Variants in DHRSX observed in about 807,000 individuals in gnomAD.
DHRSX encodes polyprenol dehydrogenase.
Under a neutral mutation model 34.0 loss-of-function variants are expected in DHRSX, and 31 were observed. The observed-to-expected ratio is 0.91, with a 90% CI of 0.69 to 1.23. The LOEUF (loss-of-function observed/expected upper bound fraction) is 1.23. Among genes scored for constraint, DHRSX ranks in the 50% most tolerant of loss-of-function variants. The probability of loss-of-function intolerance (pLI) is 0.00; values close to 1 mark genes in which losing one functional copy is unlikely to be tolerated. For missense variants in DHRSX, 414 were observed against 428.1 expected (o/e 0.97, Z 0.29); for synonymous variants, 201 against 183.8 (o/e 1.09, Z -0.76).
intron 1 of DHRSX, among the ~76,000 whole-genome samples, chrX:2,499,358 G>A (rs1408444638): frequency 2.0e-5 from 3 of 150,220 alleles, no homozygotes; most frequent in Non-Finnish European, 4.4e-5. Flanking sequence ...CTGACCCTCT[G>A]AACGCTCTGT....
intron 3 of DHRSX, among the ~76,000 whole-genome samples, chrX:2,389,950 T>C (rs1603039137): frequency 1.3e-5 from 2 of 152,064 alleles, no homozygotes; most frequent in East Asian, 3.9e-4. Context: ...CAGGCTAGTT[T>C]TTGTATTTTT....
chrX:2,332,573 C>T (rs1371518572), intron 3 of DHRSX, among the ~76,000 whole-genome samples: 1 of 152,142 alleles, frequency 6.6e-6, no homozygotes, highest in Non-Finnish European at 1.5e-5. Flanking sequence ...ATGTTTCCCA[C>T]CCAACTACCT....
At chrX:2,330,559 G>GGAGGGGAGGGAAGGGGAGGGGAAGA (rs1228380993) in intron 3 of DHRSX, among the ~76,000 whole-genome samples, 2 of 146,620 alleles carry the variant, frequency 1.4e-5, no homozygotes, top group African/African-American at 5.0e-5. Context: ...GGAAGGGAGG[G>GGAGGGGAGGGAAGGGGAGGGGAAGA]GAGGGGAGGG....
chrX:2,273,190 C>T (rs778168665), intron 4 of DHRSX, among the ~76,000 whole-genome samples: 66 of 152,236 alleles, frequency 4.3e-4, no homozygotes, highest in African/African-American at 1.6e-3. Context: ...AAGACTCCAT[C>T]TCAAAAATAA....
intron 3 of DHRSX, among the ~76,000 whole-genome samples, chrX:2,396,062 T>C (rs933460391): frequency 6.6e-6 from 1 of 152,030 alleles, no homozygotes; most frequent in African/African-American, 2.4e-5. Flanking sequence ...CTGCCTCTCC[T>C]AGTTCCTGGG....
intron 5 of DHRSX, among the ~76,000 whole-genome samples, chrX:2,246,237 TC>T (rs2016278542): frequency 6.6e-6 from 1 of 151,998 alleles, no homozygotes; most frequent in South Asian, 2.1e-4. Flanking sequence ...ATTCAAAAGA[TC>T]AAAAGAAAGA....
chrX:2,243,785 CCT>C (rs1491181975), intron 5 of DHRSX, among the ~76,000 whole-genome samples: 4 of 71,512 alleles, frequency 5.6e-5, no homozygotes, highest in African/African-American at 1.3e-4. Context: ...CACTATGCTC[CCT>C]GTTTTTTTTT....
At chrX:2,303,824 G>T (rs2042048617) in intron 3 of DHRSX, among the ~76,000 whole-genome samples, 1 of 139,446 alleles carries the variant, frequency 7.2e-6, no homozygotes, top group Non-Finnish European at 1.6e-5. Flanking sequence ...TGGGTGGATG[G>T]GTGGGTGGAT....
At chrX:2,496,399 GTA>G (rs2045286077) in intron 1 of DHRSX, among the ~76,000 whole-genome samples, 1 of 151,918 alleles carries the variant, frequency 6.6e-6, no homozygotes, top group South Asian at 2.1e-4. Flanking sequence ...GGGTTCCACT[GTA>G]TTGCCCAGAC....
At chrX:2,386,153 TC>T (rs2043268232) in intron 3 of DHRSX, among the ~76,000 whole-genome samples, 2 of 137,186 alleles carry the variant, frequency 1.5e-5, no homozygotes, top group East Asian at 4.4e-4. Context: ...ATATAGATAA[TC>T]AATTATTTAT....
At chrX:2,283,273 A>G (rs2041753942) in intron 4 of DHRSX, among the ~76,000 whole-genome samples, 1 of 151,892 alleles carries the variant, frequency 6.6e-6, no homozygotes, top group Non-Finnish European at 1.5e-5. Context: ...GCCAACACCA[A>G]CACTAAAAGA....
At chrX:2,413,724 C>A (rs913503718) in intron 2 of DHRSX, among the ~76,000 whole-genome samples, 18 of 152,116 alleles carry the variant, frequency 1.2e-4, no homozygotes, top group African/African-American at 4.1e-4. Flanking sequence ...CTGTGACCTA[C>A]AAAACTAGAT....
intron 5 of DHRSX, among the ~76,000 whole-genome samples, chrX:2,253,078 T>G (rs2016469129): frequency 6.6e-6 from 1 of 152,198 alleles, no homozygotes; most frequent in South Asian, 2.1e-4. Context: ...CCCAGCTAAT[T>G]GTGAGGCTGA....
intron 3 of DHRSX, among the ~76,000 whole-genome samples, chrX:2,345,559 A>G (rs1395055828): frequency 2.0e-5 from 3 of 151,660 alleles, no homozygotes; most frequent in Non-Finnish European, 2.9e-5. Context: ...AGGCAGAAGA[A>G]TTGCTCAAAC....
intron 1 of DHRSX, among the ~76,000 whole-genome samples, chrX:2,484,987 G>A (rs2044849258): frequency 6.6e-6 from 1 of 152,064 alleles, no homozygotes; most frequent in South Asian, 2.1e-4. Context: ...CTTTCCCCAA[G>A]CTGTTTTCCT....
chrX:2,297,153 C>CA (rs1179770867), intron 3 of DHRSX, among the ~76,000 whole-genome samples: 1 of 152,206 alleles, frequency 6.6e-6, no homozygotes, highest in Non-Finnish European at 1.5e-5. Context: ...GACAGGGTCT[C>CA]GTTCTGTCAC....
chrX:2,459,245 T>C (rs745341019), intron 1 of DHRSX, among the ~76,000 whole-genome samples: 1 of 152,062 alleles, frequency 6.6e-6, no homozygotes, highest in Non-Finnish European at 1.5e-5. Context: ...ATACATTGCA[T>C]CTTTCAAAAT....
chrX:2,395,030 C>T (rs925785763), intron 3 of DHRSX, among the ~76,000 whole-genome samples: 3 of 151,908 alleles, frequency 2.0e-5, no homozygotes, highest in African/African-American at 7.3e-5. Flanking sequence ...GGTTCGAGTC[C>T]CAGGTGAGGA....
chrX:2,373,903 G>C (rs903055234), intron 3 of DHRSX, among the ~76,000 whole-genome samples: 17 of 152,318 alleles, frequency 1.1e-4, no homozygotes, highest in African/African-American at 3.8e-4. Context: ...AGGTGAGAGA[G>C]TGGGGGAAGA....
Sources: gnomAD v4.1 joint callset for allele counts (sites outside exome capture counted in the v4.1 genomes callset) on GRCh38, gnomAD v4.1.1 for gene constraint, MANE v1.5 for transcripts, NCBI Gene and HGNC (gene_info 2026-07-23, HGNC 2026-07-21) for gene names.